The following SCGB2B2 variants were observed in gnomAD, a reference collection of about 807,000 sequenced individuals.
The protein encoded by SCGB2B2 is secretoglobin family 2B member 2.
Under a neutral mutation model 7.6 loss-of-function variants are expected in SCGB2B2, and 11 were observed. The observed-to-expected ratio is 1.45, with a 90% CI of 0.91 to 2.40. SCGB2B2 has a LOEUF of 2.40. SCGB2B2 is among the 30% of genes most tolerant of loss of function. The probability of loss-of-function intolerance (pLI) is 0.00; values close to 1 mark genes in which losing one functional copy is unlikely to be tolerated. For missense variants in SCGB2B2, 104 were observed against 115.4 expected (o/e 0.90, Z 0.45); for synonymous variants, 50 against 48.6 (o/e 1.03, Z -0.12).
chr19:34,657,095 A>G (rs1208457474), intron 1 of SCGB2B2, among the ~76,000 whole-genome samples: 1 of 151,446 alleles, frequency 6.6e-6, no homozygotes, highest in African/African-American at 2.5e-5. Context: ...GAAACAATAT[A>G]GAATAATTAT....
chr19:34,667,426 G>A (rs545471486), intron 1 of SCGB2B2, among the ~76,000 whole-genome samples: 134 of 152,182 alleles, frequency 8.8e-4, no homozygotes, highest in African/African-American at 3.1e-3. Context: ...AGGAGAACCT[G>A]GGCCCGGGGC....
intron 1 of SCGB2B2, among the ~76,000 whole-genome samples, chr19:34,611,440 G>A (rs923712580): frequency 4.0e-5 from 6 of 151,266 alleles, no homozygotes; most frequent in African/African-American, 1.5e-4. Context: ...TTTTTTTGAT[G>A]TGAGTACTTA....
chr19:34,629,856 T>C (rs1313294984), intron 1 of SCGB2B2, among the ~76,000 whole-genome samples: 1 of 151,948 alleles, frequency 6.6e-6, no homozygotes, highest in Non-Finnish European at 1.5e-5. Context: ...CTACCTGACT[T>C]CAAACTATAC....
chr19:34,663,601 G>C (rs1429089032), intron 1 of SCGB2B2, among the ~76,000 whole-genome samples: 1 of 152,238 alleles, frequency 6.6e-6, no homozygotes, highest in African/African-American at 2.4e-5. Flanking sequence ...AGTGAGGCTG[G>C]TGCCGGGAGG....
At chr19:34,618,851 T>C (rs2066163235) in intron 1 of SCGB2B2, among the ~76,000 whole-genome samples, 1 of 152,178 alleles carries the variant, frequency 6.6e-6, no homozygotes, top group African/African-American at 2.4e-5. Context: ...GAGCTGCAGA[T>C]AGTGTCCAAC....
At chr19:34,668,012 T>C (rs956247028) in intron 1 of SCGB2B2, among the ~76,000 whole-genome samples, 10 of 151,764 alleles carry the variant, frequency 6.6e-5, no homozygotes, top group African/African-American at 2.4e-4. Flanking sequence ...ACATATGTAG[T>C]GAGAGGTGAC....
At position 34,662,931 on chromosome 19, in the gene SCGB2B2, CAAAA is replaced by C. The variant is rs199832640; in HGVS notation, c.-2032+12695_-2032+12698del. 8.7e-3 allele frequency among the ~76,000 whole-genome samples: 1,295 copies of C among 149,700 alleles called. 18 individuals carry two copies. The highest frequency in any genetic ancestry group is 0.03 in the African/African-American group (1,220 of 40,526). On this transcript the variant is annotated intron_variant, in intron 1 of 3. Coordinates refer to ENST00000601241, the MANE Select transcript of SCGB2B2 (RefSeq NM_001025591.4). ...GGGCGGCTGAGAGAGACCCTGTCTC[CAAAA>C]AAACAAACAAACAAACAAACAAACA... is the stretch of plus-strand genomic sequence containing the variant.
chr19:34,637,808 C>T (rs892130316), intron 1 of SCGB2B2: 4 of 152,170 alleles, frequency 2.6e-5, no homozygotes, highest in African/African-American at 9.7e-5. Flanking sequence ...GGTGGGAATA[C>T]ACCACCCGAT....
At chr19:34,665,813 GCCTCAGGTCCTCAGGGA>G (rs1258109331) in intron 1 of SCGB2B2, among the ~76,000 whole-genome samples, 3 of 152,052 alleles carry the variant, frequency 2.0e-5, no homozygotes, top group Non-Finnish European at 4.4e-5. Flanking sequence ...GCCCAGAGGG[GCCTCAGGTCCTCAGGGA>G]CCTGGCCCTC....
intron 1 of SCGB2B2, among the ~76,000 whole-genome samples, chr19:34,672,075 A>G (rs1167778200): frequency 6.6e-6 from 1 of 152,196 alleles, no homozygotes; most frequent in Non-Finnish European, 1.5e-5. Flanking sequence ...CAGGAGTTCA[A>G]GACTTCAGTG....
At chr19:34,648,076 C>A (rs1279990302) in intron 1 of SCGB2B2, among the ~76,000 whole-genome samples, 1 of 152,088 alleles carries the variant, frequency 6.6e-6, no homozygotes, top group Non-Finnish European at 1.5e-5. Flanking sequence ...GAGGTGAAGC[C>A]TGGGGAGAAG....
intron 1 of SCGB2B2, among the ~76,000 whole-genome samples, chr19:34,667,997 C>A (rs536977025): frequency 6.6e-6 from 1 of 152,370 alleles, no homozygotes; most frequent in Non-Finnish European, 1.5e-5. Context: ...GTGGCTTCAA[C>A]ACCCACATAT....
intron 1 of SCGB2B2, among the ~76,000 whole-genome samples, chr19:34,606,960 C>A (rs914824776): frequency 1.3e-5 from 2 of 152,196 alleles, no homozygotes. Flanking sequence ...GTGGCCACCA[C>A]GCTGTCCATT....
At chr19:34,670,832 T>C (rs1392902499) in intron 1 of SCGB2B2, among the ~76,000 whole-genome samples, 2 of 152,256 alleles carry the variant, frequency 1.3e-5, no homozygotes, top group African/African-American at 2.4e-5. Context: ...TCATGTTACT[T>C]AATGAAGGTT....
chr19:34,646,623 CTTTA>C (rs2067020028), intron 1 of SCGB2B2: 1 of 152,418 alleles, frequency 6.6e-6, no homozygotes, highest in Non-Finnish European at 1.5e-5. Context: ...CAGGTCCCCA[CTTTA>C]TTTCTTTCCC....
At chr19:34,646,066 G>C (rs1182771854) in intron 1 of SCGB2B2, 1 of 252,076 alleles carries the variant, frequency 4.0e-6, no homozygotes, top group Non-Finnish European at 7.9e-6. Context: ...GTTGGAATAT[G>C]GTAAGTGTGC....
intron 3 of SCGB2B2, 27 bp from the exon 4 acceptor site, chr19:34,593,626 G>T: frequency 6.5e-7 from 1 of 1,547,610 alleles, no homozygotes. Flanking sequence ...AAAGAGAGGA[G>T]CCGGTGGCCT....
At chr19:34,606,077 A>G (rs943234810) in intron 1 of SCGB2B2, among the ~76,000 whole-genome samples, 1 of 151,664 alleles carries the variant, frequency 6.6e-6, no homozygotes, top group Non-Finnish European at 1.5e-5. Flanking sequence ...AGTTTTTAAA[A>G]TTTTTTAAAA....
At chr19:34,630,135 C>T (rs78238689) in intron 1 of SCGB2B2, among the ~76,000 whole-genome samples, 46,069 of 151,216 alleles carry the variant, frequency 0.3, 8,123 homozygotes, top group Middle Eastern at 0.47. Context: ...AAGACTTAAA[C>T]CTTAGACCTA....
Sources: allele counts gnomAD v4.1 joint callset (sites outside exome capture counted in the v4.1 genomes callset), GRCh38; gene constraint gnomAD v4.1.1; transcripts MANE v1.5; gene names NCBI Gene and HGNC (gene_info 2026-07-23, HGNC 2026-07-21).